NEIL1: variants seen among roughly 807,000 people sequenced by gnomAD.
NEIL1 encodes the protein endonuclease 8-like 1.
In NEIL1, 31 loss-of-function variants were observed where a neutral mutation model predicts 44.2. The observed-to-expected ratio is 0.70, with a 90% CI of 0.53 to 0.95. The LOEUF is 0.95. Among genes scored for constraint, NEIL1 ranks in the 40% least tolerant of loss-of-function variants. The pLI is 0.00. For synonymous variants in NEIL1, 254 were observed against 209.7 expected, an observed-to-expected ratio of 1.21 and a Z score of -1.83; for missense variants, 549 against 515.5, an observed-to-expected ratio of 1.07 and a Z score of -0.63.
At chr15:75,354,141 G>A (rs1002122012) in intron 6 of NEIL1, 109 bp from the exon 7 acceptor site, 2 of 1,300,238 alleles carry the variant, frequency 1.5e-6, no homozygotes, top group Middle Eastern at 1.9e-4. Flanking sequence ...GCTTCCTAAG[G>A]GAGAAGCTAC....
At position 75,355,802 on chromosome 15, in the gene NEIL1, A is replaced by G; in HGVS notation, c.*768A>G. ...GACTGAGCAGCAGGGTTCCCGATCC[A>G]AGGATTTATTCCACAAGAAAAGACT... On this transcript the variant is annotated 3_prime_UTR_variant, in exon 10 of 10. Coordinates refer to ENST00000355059, the MANE Select transcript of NEIL1 (RefSeq NM_024608.4). 3.0e-6 allele frequency: 4 copies of G among 1,312,498 alleles called. No homozygotes were observed. Among genetic ancestry groups the G allele is most frequent in the Non-Finnish European group, 4.1e-6 (4 of 971,764 alleles). 81.3% of individuals were successfully genotyped at this position (1,312,498 alleles called of 1,614,324 possible). A position where few individuals can be genotyped will look rare whatever the true frequency, so the allele number is the denominator to read the frequency against.
chr15:75,354,719 A>T lies in NEIL1; in HGVS notation c.1003A>T (p.Thr335Ser), dbSNP rs138958453. The T allele has an allele frequency of 3.1e-6, 5 of 1,614,114 alleles. No homozygotes were observed. The African/African-American group carries it at 6.7e-5, about 22-fold the overall frequency. The change falls in exon 9 of 10, where the codon ACT becomes TCT. Residue 335 changes from threonine (T) to serine (S), a missense_variant. Physicochemically the swap from Thr to Ser is moderately conservative, Grantham distance 58 (BLOSUM62 1). Coordinates refer to ENST00000355059, the MANE Select transcript of NEIL1 (RefSeq NM_024608.4). ...RRAKRDLPKR[T>S]ATQRPEGTSL... ...GGCAAAGAGAGACCTTCCTAAGAGG[A>T]CTGCAACCCAGCGGCCTGAGGGGAC...
intron 5 of NEIL1, chr15:75,353,238 C>CACACACAA: frequency 4.1e-6 from 1 of 246,214 alleles, no homozygotes; most frequent in Admixed American, 4.8e-5. Context: ...CACACACACA[C>CACACACAA]ACACACACAC....
In NEIL1 at chr15:75,354,713, A is replaced by C; in HGVS notation, c.997A>C (p.Lys333Gln). The C allele has an allele frequency of 1.2e-6, 2 of 1,614,106 alleles. No homozygotes were observed. Among genetic ancestry groups the C allele is most frequent in the Non-Finnish European group, 1.7e-6 (2 of 1,180,018 alleles). ...ACGAAGGGCAAAGAGAGACCTTCCT[A>C]AGAGGACTGCAACCCAGCGGCCTGA... ...RTRRAKRDLP[K>Q]RTATQRPEGT... The change falls in exon 9 of 10, where the codon AAG becomes CAG. Residue 333 changes from lysine (K) to glutamine (Q), a missense_variant. Coordinates refer to ENST00000355059, the MANE Select transcript of NEIL1 (RefSeq NM_024608.4).
intron 8 of NEIL1, 71 bp from the exon 9 acceptor site, chr15:75,354,582 G>A (rs968002856): frequency 1.9e-6 from 3 of 1,612,270 alleles, no homozygotes; most frequent in South Asian, 1.1e-5. Context: ...AGGGCGGGGG[G>A]AGTGGTGGGC....
At position 75,349,338 on chromosome 15, in the gene NEIL1, A is replaced by G. The variant is rs2071700243; in HGVS notation, c.433A>G (p.Arg145Gly). 2 of 1,600,676 alleles carry G rather than the reference A, an allele frequency of 1.2e-6. No individual in the cohort carries two copies. Among genetic ancestry groups the G allele is most frequent in the African/African-American group, 1.3e-5 (1 of 74,678 alleles). ...PCVLQEYQQF[R>G]ENVLRNLADK... ...TGTCTTGCAGGAGTACCAGCAGTTC[A>G]GGTAGGGCCAGCACCAGGTGTGATG... Residue 145 changes from arginine (R) to glycine (G), a missense_variant and splice_region_variant, in exon 2 of 10, where the codon AGG (arginine) becomes GGG (glycine). Coordinates refer to ENST00000355059, the MANE Select transcript of NEIL1 (RefSeq NM_024608.4).
intron 6 of NEIL1, 64 bp downstream of exon 6, chr15:75,353,930 A>G (rs1229372766): frequency 6.3e-7 from 1 of 1,595,648 alleles, no homozygotes; most frequent in Non-Finnish European, 8.6e-7. Flanking sequence ...ACGTGGGGTC[A>G]CAATAACTGG....
chr15:75,352,019 C>A, intron 2 of NEIL1, 92 bp from the exon 3 acceptor site: 1 of 1,280,286 alleles, frequency 7.8e-7, no homozygotes, highest in Admixed American at 1.8e-5. Context: ...AGTTTCCTTC[C>A]CCTTGCACCC....
At chr15:75,354,183 C>T in intron 6 of NEIL1, 67 bp from the exon 7 acceptor site, 1 of 1,562,452 alleles carries the variant, frequency 6.4e-7, no homozygotes, top group Admixed American at 1.7e-5. Context: ...TGAGTCCTGC[C>T]TCTCCAAGGA....
chr15:75,356,421 T>G lies in NEIL1; in HGVS notation c.*1387T>G. 6.2e-7 allele frequency: 1 copy of G among 1,607,422 alleles called. No homozygotes were observed. Among genetic ancestry groups the G allele is most frequent in the Non-Finnish European group, 8.5e-7 (1 of 1,177,634 alleles). ...GGGGGAAGTTTAGGCTGTAGGCAGC[T>G]TGGATAACGCCAGCATCCTGGAAAG... On this transcript the variant is annotated 3_prime_UTR_variant, in exon 10 of 10. Transcript: ENST00000355059. This position sits in a 1 kb window ranked among gnomAD's most constrained non-coding sequence, Gnocchi z 5.8.
Position 75,349,265 on chromosome 15 carries a change from CG to C in NEIL1, c.362del (p.Gly121AlafsTer32), listed in dbSNP as rs1302078175. 2 of 1,611,592 alleles carry C rather than the reference CG, an allele frequency of 1.2e-6. No individual in the cohort carries two copies. The highest frequency in any genetic ancestry group is 3.3e-5 in the Admixed American group (2 of 59,998). On this transcript the variant is annotated frameshift_variant, in exon 2 of 10. Transcript: ENST00000355059. LOFTEE classifies it high-confidence loss of function. The stretch of plus-strand genomic sequence containing the variant: ...TATGTTTCGTGGACATCCGCCGGTT[CG>C]GCCGCTGGGACCTTGGGGGAAAGTG... Reference protein sequence around the residue: ...ALCFVDIRRFGRWDLGGKWQP... With the variant: ...ALCFVDIRRFXRWDLGGKWQP...
Position 75,356,998 on chromosome 15 carries a change from A to C in NEIL1, c.*1964A>C, listed in dbSNP as rs543465936. The C allele has an allele frequency of 2.1e-5, 21 of 979,798 alleles. No individual in the cohort carries two copies. Among genetic ancestry groups the C allele is most frequent in the Non-Finnish European group, 3.3e-5 (21 of 637,046 alleles). The allele number at this position is 979,798 out of a possible 1,614,324, so 60.7% of individuals were successfully genotyped here. A position where few individuals can be genotyped will look rare whatever the true frequency, so the allele number is the denominator to read the frequency against. The stretch of plus-strand genomic sequence containing the variant: ...TGTCACTAGGCCGAGCACAAGCTCT[A>C]GAACCACACAACTGAACTCCAGCTC... On this transcript the variant is annotated 3_prime_UTR_variant, in exon 10 of 10. Coordinates refer to ENST00000355059, the MANE Select transcript of NEIL1 (RefSeq NM_024608.4). This position sits in a 1 kb window ranked among gnomAD's most constrained non-coding sequence, Gnocchi z 5.8.
intron 7 of NEIL1, 31 bp downstream of exon 7, chr15:75,354,308 G>C: frequency 6.2e-7 from 1 of 1,613,920 alleles, no homozygotes; most frequent in Non-Finnish European, 8.5e-7. Context: ...TAGGCTAAGA[G>C]AGCAGAAAGG....
rs2072277410 is a variant in NEIL1 at position 75,355,923 on chromosome 15, G to A, written c.*889G>A. On this transcript the variant is annotated 3_prime_UTR_variant, in exon 10 of 10. Coordinates refer to ENST00000355059, the MANE Select transcript of NEIL1 (RefSeq NM_024608.4). ...CCAGGGACTCAGTGTGGCGGAGGCT[G>A]AAGCACGAGCAACAGGGACAGCACT... 2 of 1,614,098 alleles carry A rather than the reference G, an allele frequency of 1.2e-6. No homozygotes were observed. Among genetic ancestry groups the A allele is most frequent in the South Asian group, 1.1e-5 (1 of 91,086 alleles).
intron 4 of NEIL1, 54 bp downstream of exon 4, chr15:75,352,441 G>A (rs1567245304): frequency 6.9e-6 from 11 of 1,605,376 alleles, no homozygotes; most frequent in Non-Finnish European, 7.7e-6. Context: ...GTCCACATGG[G>A]CCGGCAAGGA....
chr15:75,354,100 T>C, intron 6 of NEIL1, 150 bp from the exon 7 acceptor site: 1 of 1,053,210 alleles, frequency 9.5e-7, no homozygotes, highest in Non-Finnish European at 1.4e-6. Context: ...GCTTTGCTGA[T>C]GTGGACTCTA....
chr15:75,352,667 A>G lies in NEIL1; in HGVS notation c.684A>G (p.Leu228=), dbSNP rs1164327053. The G allele has an allele frequency of 5.0e-6, 8 of 1,613,032 alleles. No individual in the cohort carries two copies. The highest frequency in any genetic ancestry group is 1.7e-5 in the Admixed American group (1 of 59,918). Residue 228 remains leucine, a synonymous_variant, in exon 5 of 10, where the codon CTA becomes CTG. Coordinates refer to ENST00000355059, the MANE Select transcript of NEIL1 (RefSeq NM_024608.4). ...TGCAGAATCCAGACCTGCTGGAGCT[A>G]TGTCACTCAGTGCCCAAGGAAGTGG... ...TKLQNPDLLE[L]CHSVPKEVVQ... is the part of the protein sequence containing the mutation.
chr15:75,348,528 G>A (rs988188383), intron 1 of NEIL1: 23 of 1,141,154 alleles, frequency 2.0e-5, no homozygotes, highest in African/African-American at 3.2e-5. Context: ...GACAGCAGGG[G>A]CCAAGGCGGA....
At chr15:75,348,261 T>C in intron 1 of NEIL1, 1 of 937,268 alleles carries the variant, frequency 1.1e-6, no homozygotes, top group Non-Finnish European at 1.3e-6. Flanking sequence ...CGGTTCTCGC[T>C]GCGGCCAAGC....
Sources: allele counts gnomAD v4.1 joint callset, GRCh38; gene constraint gnomAD v4.1.1; non-coding constraint Gnocchi (gnomAD v3.1); transcripts MANE v1.5; gene names NCBI Gene and HGNC (gene_info 2026-07-23, HGNC 2026-07-21).